HELZ2: variants seen among roughly 807,000 people sequenced by gnomAD.
The protein encoded by HELZ2 is helicase with zinc finger 2.
HELZ2 carries 143 observed loss-of-function variants against 208.8 expected under a neutral mutation model. That is an observed-to-expected ratio of 0.68 (90% CI 0.60 to 0.79). HELZ2 has a LOEUF of 0.79. Ranked by LOEUF, HELZ2 falls within the 30% of genes least tolerant of loss-of-function variation. HELZ2 has a pLI of 0.00. For synonymous variants in HELZ2, 1,705 were observed against 1,693.7 expected, an observed-to-expected ratio of 1.01 and a Z score of -0.16; for missense variants, 3,690 against 3,794.5, an observed-to-expected ratio of 0.97 and a Z score of 0.72.
At chr20:63,560,135 A>AC in intron 17 of HELZ2, 36 bp downstream of exon 18, 2 of 1,096,918 alleles carry the variant, frequency 1.8e-6, no homozygotes, top group Non-Finnish European at 2.5e-6. Context: ...CGCTGCGCCC[A>AC]CCCTCCCGGC....
exon 8 of HELZ2, chr20:63,564,223 A>G (rs2082922344): frequency 1.2e-6 from 2 of 1,611,964 alleles, no homozygotes; most frequent in Non-Finnish European, 1.7e-6. Flanking sequence ...CCACGAGCCT[A>G]TTAAACTGAA....
At chr20:63,564,364 G>A (rs45525039) in exon 8 of HELZ2, 60 of 1,560,880 alleles carry the variant, frequency 3.8e-5, no homozygotes, top group East Asian at 1.7e-4. Flanking sequence ...ACGCGGCCAC[G>A]ACGCAGGCGT....
upstream of HELZ2, chr20:63,572,492 G>A (rs374466692): frequency 2.9e-5 from 36 of 1,225,534 alleles, no homozygotes; most frequent in African/African-American, 2.0e-4. Flanking sequence ...CCGGGGCCGC[G>A]GCCTCACCAC....
At chr20:63,561,237 G>C in exon 14 of HELZ2, 1 of 1,612,800 alleles carries the variant, frequency 6.2e-7, no homozygotes. Flanking sequence ...TGCCGGTCCA[G>C]CTCGAACTTC....
chr20:63,568,684 C>T (rs2082988707), exon 5 of HELZ2: 2 of 1,606,098 alleles, frequency 1.2e-6, no homozygotes, highest in African/African-American at 1.3e-5. Context: ...GGAACTGCAC[C>T]TCCAGGACCA....
exon 8 of HELZ2, chr20:63,565,108 G>A (rs1209155109): frequency 4.3e-5 from 68 of 1,567,668 alleles, no homozygotes; most frequent in Non-Finnish European, 5.7e-5. Flanking sequence ...GGCTGTAGAT[G>A]GGGACCTGCG....
At chr20:63,574,163 C>T (rs2083037802), upstream of HELZ2, 1 of 151,206 alleles carries the variant, frequency 6.6e-6, no homozygotes, top group Non-Finnish European at 1.5e-5. Flanking sequence ...CGCCCCTCCG[C>T]CCTGGGACCC....
intron 7 of HELZ2, 40 bp from the exon 9 acceptor site, chr20:63,566,271 G>C (rs2082956100): frequency 6.7e-7 from 1 of 1,489,210 alleles, no homozygotes; most frequent in Non-Finnish European, 9.0e-7. Flanking sequence ...GGGTGCGCAA[G>C]ACGGTGGGAC....
chr20:63,560,882 A>G (rs144759742), exon 15 of HELZ2: 43 of 1,613,086 alleles, frequency 2.7e-5, no homozygotes, highest in Middle Eastern at 1.6e-4. Context: ...GCAGCCGCTC[A>G]TTCTTGACCA....
chr20:63,566,769 C>G (rs968594080), intron 6 of HELZ2, 75 bp downstream of exon 7: 1 of 1,376,576 alleles, frequency 7.3e-7, no homozygotes. Flanking sequence ...GGCGGGGGCT[C>G]GTCCATCAGC....
exon 5 of HELZ2, chr20:63,568,518 C>G: frequency 6.3e-7 from 1 of 1,582,728 alleles, no homozygotes; most frequent in Non-Finnish European, 8.6e-7. Context: ...GCGATGAGCG[C>G]CACGGCCAGC....
rs573860047 is a variant in HELZ2 at position 63,560,623 on chromosome 20, C to T, written c.7356G>A (p.Arg2452=). 12 of 1,610,868 alleles carry T rather than the reference C, an allele frequency of 7.4e-6. No individual in the cohort carries two copies. The South Asian group carries it at 8.8e-5, about 12-fold the overall frequency. The stretch of plus-strand genomic sequence containing the variant: ...CAGCGTGGCCCAGGACACTGGGCGG[C>T]CTCCTCAGGCCCTGCCACGTCTTCA... Residue 2452 remains arginine, a synonymous_variant, in exon 16 of 19, where the codon AGG becomes AGA. Transcript: ENST00000467148.
At chr20:63,572,123 A>G (rs1317801107) in exon 1 of HELZ2, 1 of 1,610,622 alleles carries the variant, frequency 6.2e-7, no homozygotes, top group Non-Finnish European at 8.5e-7. Context: ...GCAGAGCTCG[A>G]ACTTGGAGAG....
At position 63,562,305 on chromosome 20, in the gene HELZ2, G is replaced by A. The variant is rs759037738; in HGVS notation, c.6380C>T (p.Pro2127Leu). The A allele has an allele frequency of 7.1e-5, 114 of 1,598,070 alleles. No homozygotes were observed. Among genetic ancestry groups the A allele is most frequent in the South Asian group, 3.6e-4 (33 of 90,596 alleles). Residue 2127 changes from proline (P) to leucine (L), a missense_variant, in exon 9 of 19, where the codon CCG becomes CTG. By Grantham distance (98) the Pro-to-Leu change is moderately conservative (BLOSUM62 -3). Around this residue, in one of 3 missense-constraint regions of HELZ2, gnomAD observed 2,564 missense variants for 2,580.5 expected, o/e 0.99. Coordinates refer to ENST00000467148, the Ensembl canonical transcript of HELZ2. ...AGACCTACCTCTGCAGAGGGGCTGC[G>A]GGACAGGCCGGCCCAGTGCGATGCT...
At chr20:63,570,296 C>A (rs765699426) in intron 3 of HELZ2, 2 of 700,588 alleles carry the variant, frequency 2.9e-6, no homozygotes, top group South Asian at 1.5e-5. Context: ...CATAGAATAA[C>A]CCTGCCAAGG....
exon 11 of HELZ2, chr20:63,561,838 C>T (rs1332894778): frequency 3.2e-6 from 5 of 1,563,986 alleles, no homozygotes; most frequent in South Asian, 1.2e-5. Flanking sequence ...AGGACATCCA[C>T]CGACTTGTTG....
rs772570359 is a variant in HELZ2 at position 63,569,358 on chromosome 20, C to T, written c.878G>A (p.Arg293His). 6.8e-6 allele frequency: 11 copies of T among 1,606,244 alleles called. No homozygotes were observed. Among genetic ancestry groups the T allele is most frequent in the Admixed American group, 5.0e-5 (3 of 59,624 alleles). The stretch of plus-strand genomic sequence containing the variant: ...CACGTGGCGGTTGCCAGTGTGCCAG[C>T]GCTCCATCTCCTCAGGGTGGCCGAG... Residue 293 changes from arginine to histidine, a missense_variant, in exon 4 of 19, where the codon CGC becomes CAC. By Grantham distance (29) the Arg-to-His change is conservative. Coordinates refer to ENST00000467148, the Ensembl canonical transcript of HELZ2.
At chr20:63,566,337 C>A in intron 7 of HELZ2, 41 bp downstream of exon 8, 1 of 1,538,188 alleles carries the variant, frequency 6.5e-7, no homozygotes, top group Admixed American at 2.0e-5. Flanking sequence ...CCCGGGGTAT[C>A]CTGGGGCAGC....
chr20:63,569,497 C>T (rs1234623408), exon 4 of HELZ2: 4 of 1,611,420 alleles, frequency 2.5e-6, no homozygotes, highest in Admixed American at 1.7e-5. Flanking sequence ...TCAAAGGTGC[C>T]GAACGAGGCA....
Sources: allele counts gnomAD v4.1 joint callset, GRCh38; gene constraint gnomAD v4.1.1; regional missense constraint gnomAD v4.1.1; transcripts MANE v1.5; gene names NCBI Gene and HGNC (gene_info 2026-07-23, HGNC 2026-07-21).